Variants in LRMDA observed in about 807,000 individuals in gnomAD.
LRMDA encodes the protein leucine-rich melanocyte differentiation-associated protein.
A neutral mutation model predicts 29.8 loss-of-function variants in LRMDA; 18 were observed. The ratio of observed to expected loss-of-function variants is 0.60; its 90% confidence interval spans 0.42 to 0.90. The LOEUF is 0.90. Among genes scored for constraint, LRMDA ranks in the 40% least tolerant of loss-of-function variants. The pLI is 0.00. For synonymous variants in LRMDA, 125 were observed against 109.4 expected (o/e 1.14, Z -0.89); for missense variants, 273 against 273.9 (o/e 1.00, Z 0.02).
At chr10:75,589,834 T>C (rs988215771) in intron 2 of LRMDA, among the ~76,000 whole-genome samples, 3 of 151,802 alleles carry the variant, frequency 2.0e-5, no homozygotes, top group South Asian at 2.1e-4. Context: ...TTTTTTGGTG[T>C]GTGTTTAATT....
intron 1 of LRMDA, among the ~76,000 whole-genome samples, chr10:75,432,007 C>T (rs1844204785): frequency 6.6e-6 from 1 of 152,202 alleles, no homozygotes; most frequent in South Asian, 2.1e-4. Context: ...TCCTTCTGCC[C>T]TTAGCGCCTC....
chr10:76,055,470 C>T (rs781233325), intron 4 of LRMDA, among the ~76,000 whole-genome samples: 3 of 152,214 alleles, frequency 2.0e-5, no homozygotes, highest in African/African-American at 4.8e-5. Flanking sequence ...TGGGTTGTTA[C>T]TTCCTCAGTT....
At chr10:75,745,507 A>G (rs1842880926) in intron 2 of LRMDA, among the ~76,000 whole-genome samples, 1 of 152,168 alleles carries the variant, frequency 6.6e-6, no homozygotes, top group South Asian at 2.1e-4. Flanking sequence ...AAAACACTAT[A>G]TTTTGGAATA....
At chr10:76,419,359 G>A (rs1842050466) in intron 6 of LRMDA, among the ~76,000 whole-genome samples, 1 of 151,744 alleles carries the variant, frequency 6.6e-6, no homozygotes, top group African/African-American at 2.4e-5. Context: ...TTTCAAATTA[G>A]CTTTTTTTCA....
chr10:76,386,128 G>A (rs1450350871), intron 6 of LRMDA, among the ~76,000 whole-genome samples: 1 of 152,094 alleles, frequency 6.6e-6, no homozygotes, highest in African/African-American at 2.4e-5. Context: ...GACATATCTG[G>A]CTATTATTAC....
chr10:75,650,321 T>A (rs1248044716), intron 2 of LRMDA, among the ~76,000 whole-genome samples: 2 of 152,232 alleles, frequency 1.3e-5, no homozygotes. Flanking sequence ...AGGGTCCAAC[T>A]CACTTTTTTG....
At chr10:75,842,313 T>A (rs1018150775) in intron 2 of LRMDA, among the ~76,000 whole-genome samples, 3 of 152,260 alleles carry the variant, frequency 2.0e-5, no homozygotes, top group African/African-American at 7.2e-5. Context: ...TTTATTATAT[T>A]TTTAATTTTG....
chr10:75,487,584 T>TC (rs1181406542), intron 2 of LRMDA, among the ~76,000 whole-genome samples: 1 of 152,188 alleles, frequency 6.6e-6, no homozygotes, highest in African/African-American at 2.4e-5. Context: ...TCACAGTTTC[T>TC]CCTCCCACCC....
intron 5 of LRMDA, among the ~76,000 whole-genome samples, chr10:76,315,344 G>A (rs1840679440): frequency 6.6e-6 from 1 of 152,226 alleles, no homozygotes; most frequent in Non-Finnish European, 1.5e-5. Context: ...TGCAGCTGCA[G>A]CTTCCCAGCC....
chr10:76,187,890 G>A (rs564332798), intron 5 of LRMDA, among the ~76,000 whole-genome samples: 24 of 152,234 alleles, frequency 1.6e-4, no homozygotes, highest in African/African-American at 5.8e-4. Context: ...CCTGGGGATT[G>A]CAGTTTACAT....
At chr10:75,522,371 C>T (rs899531743) in intron 2 of LRMDA, among the ~76,000 whole-genome samples, 3 of 152,150 alleles carry the variant, frequency 2.0e-5, no homozygotes, top group Non-Finnish European at 4.4e-5. Flanking sequence ...TCAGAAGTCT[C>T]TGTGCAGAGA....
At chr10:75,823,327 A>C (rs1844193549) in intron 2 of LRMDA, among the ~76,000 whole-genome samples, 1 of 152,200 alleles carries the variant, frequency 6.6e-6, no homozygotes, top group Non-Finnish European at 1.5e-5. Context: ...TCAATAGAAG[A>C]CATACAAGCA....
intron 6 of LRMDA, among the ~76,000 whole-genome samples, chr10:76,490,876 AGTGAAG>A (rs1842827255): frequency 6.6e-6 from 1 of 151,670 alleles, no homozygotes; most frequent in Non-Finnish European, 1.5e-5. Flanking sequence ...GCTGTCTTTT[AGTGAAG>A]GTGATTTTCT....
rs567627402 is a variant in LRMDA at position 75,681,258 on chromosome 10, G to A, written c.131+242764G>A. Among the ~76,000 whole-genome samples, 4 of 152,322 alleles carry A rather than the reference G, an allele frequency of 2.6e-5. No individual in the cohort carries two copies. The East Asian group carries it at 7.7e-4, about 29-fold the overall frequency. The stretch of plus-strand genomic sequence containing the variant: ...TGATTGATTTGGCTATGAGGAGCAT[G>A]TTTTGTACCATAATCTCATTTTAAT... On this transcript the variant is annotated intron_variant, in intron 2 of 6. Transcript: ENST00000611255.
rs187278254 is a variant in LRMDA at position 75,511,503 on chromosome 10, C to T, written c.131+73009C>T. Among the ~76,000 whole-genome samples the T allele has an allele frequency of 7.0e-4, 107 of 152,242 alleles. 1 individual carries two copies. The highest frequency in any genetic ancestry group is 2.5e-3 in the African/African-American group (105 of 41,542). On this transcript the variant is annotated intron_variant, in intron 2 of 6. Coordinates refer to ENST00000611255, the MANE Select transcript of LRMDA (RefSeq NM_001305581.2). Reference sequence around the variant, plus strand: ...TACCTTCCTGCTCTTACTGGGAGTGCACCTGTGATGTTCGGAAGGTAGGAC... The same window carrying T: ...TACCTTCCTGCTCTTACTGGGAGTGTACCTGTGATGTTCGGAAGGTAGGAC...
intron 6 of LRMDA, among the ~76,000 whole-genome samples, chr10:76,381,612 C>A (rs528027427): frequency 6.6e-6 from 1 of 152,114 alleles, no homozygotes; most frequent in Non-Finnish European, 1.5e-5. Flanking sequence ...CCCTCATATC[C>A]GGTAAGCATC....
intron 5 of LRMDA, among the ~76,000 whole-genome samples, chr10:76,102,227 A>G (rs1334834239): frequency 6.6e-6 from 1 of 152,228 alleles, no homozygotes. Flanking sequence ...TAGTGCCACT[A>G]TGAACATATT....
intron 5 of LRMDA, among the ~76,000 whole-genome samples, chr10:76,171,621 A>G (rs1050289854): frequency 7.9e-5 from 12 of 152,248 alleles, no homozygotes; most frequent in African/African-American, 2.6e-4. Flanking sequence ...AAGGGGGAGG[A>G]TTTGAAACGT....
At chr10:75,513,536 C>T (rs1165134840) in intron 2 of LRMDA, among the ~76,000 whole-genome samples, 2 of 152,154 alleles carry the variant, frequency 1.3e-5, no homozygotes, top group African/African-American at 4.8e-5. Context: ...AAACAATGCA[C>T]AATGTATTCC....
Sources: gnomAD v4.1 joint callset for allele counts (sites outside exome capture counted in the v4.1 genomes callset) on GRCh38, gnomAD v4.1.1 for gene constraint, MANE v1.5 for transcripts, NCBI Gene and HGNC (gene_info 2026-07-23, HGNC 2026-07-21) for gene names.